Variants in GAS7 observed in about 807,000 individuals in gnomAD.
GAS7 encodes growth arrest-specific protein 7.
Under a neutral mutation model 71.1 loss-of-function variants are expected in GAS7, and 28 were observed. The observed-to-expected ratio is 0.39, with a 90% confidence interval of 0.29 to 0.54. The LOEUF (loss-of-function observed/expected upper bound fraction) is 0.54. Among genes scored for constraint, GAS7 ranks in the 20% least tolerant of loss-of-function variants. The pLI is 0.62. For synonymous variants in GAS7, 258 were observed against 245.8 expected (o/e 1.05, Z -0.46); for missense variants, 436 against 627.8 (o/e 0.69, Z 3.27).
In GAS7 at chr17:10,115,548, G is replaced by T. The variant is rs545545368; in HGVS notation, c.183+82660C>A. Among the ~76,000 whole-genome samples, 18 of 152,290 alleles carry T rather than the reference G, an allele frequency of 1.2e-4. No homozygotes were observed. In the South Asian group the frequency reaches 1.9e-3, roughly 16 times the overall value. Reference sequence around the variant, plus strand: ...GGAAGCACACCTCAGCACAGAGAAGGCCTCTCTCATCCCTCCTTGCCCCTT... The same window carrying T: ...GGAAGCACACCTCAGCACAGAGAAGTCCTCTCTCATCCCTCCTTGCCCCTT... On this transcript the variant is annotated intron_variant, in intron 1 of 13. Transcript: ENST00000432992.
chr17:10,153,283 C>G (rs2074181234), intron 1 of GAS7, among the ~76,000 whole-genome samples: 1 of 151,200 alleles, frequency 6.6e-6, no homozygotes, highest in South Asian at 2.1e-4. Context: ...AGGCAGATCA[C>G]GAGGTCAGGA....
chr17:9,975,242 C>A (rs749571797), intron 3 of GAS7, among the ~76,000 whole-genome samples: 6 of 152,212 alleles, frequency 3.9e-5, no homozygotes, highest in African/African-American at 1.2e-4. Context: ...GTAATCCCAG[C>A]TGCTTGGGAG....
At chr17:10,151,756 A>C (rs554226455) in intron 1 of GAS7, among the ~76,000 whole-genome samples, 1 of 152,196 alleles carries the variant, frequency 6.6e-6, no homozygotes, top group South Asian at 2.1e-4. Flanking sequence ...ATGTTGCCCA[A>C]GCTAGTCTTG....
At chr17:9,975,343 G>A (rs541919618) in intron 3 of GAS7, among the ~76,000 whole-genome samples, 17 of 114,712 alleles carry the variant, frequency 1.5e-4, no homozygotes, top group East Asian at 4.0e-4. Context: ...CAACAAGTGC[G>A]AAACTGTCTC....
intron 2 of GAS7, among the ~76,000 whole-genome samples, chr17:10,010,168 G>A (rs923061553): frequency 6.7e-6 from 1 of 149,370 alleles, no homozygotes; most frequent in South Asian, 2.1e-4. Context: ...TTTCTTTTTT[G>A]GGGGGGCGTC....
chr17:10,120,832 C>T (rs1467501000), intron 1 of GAS7, among the ~76,000 whole-genome samples: 5 of 152,208 alleles, frequency 3.3e-5, no homozygotes, highest in Non-Finnish European at 7.4e-5. Flanking sequence ...AAAGGGCAGG[C>T]TGCTAGGGGG....
At chr17:10,178,309 TGG>T (rs1407988669) in intron 1 of GAS7, among the ~76,000 whole-genome samples, 2 of 140,314 alleles carry the variant, frequency 1.4e-5, no homozygotes, top group Non-Finnish European at 3.1e-5. Context: ...GTGGAATGCT[TGG>T]CAATGCCTTG....
chr17:10,094,615 C>T (rs1288884969), intron 1 of GAS7, among the ~76,000 whole-genome samples: 1 of 152,028 alleles, frequency 6.6e-6, no homozygotes, highest in Admixed American at 6.5e-5. Context: ...ACCACAGACA[C>T]GCGCCACCAC....
At chr17:9,971,078 T>C (rs1271705195) in intron 3 of GAS7, among the ~76,000 whole-genome samples, 1 of 152,000 alleles carries the variant, frequency 6.6e-6, no homozygotes, top group Non-Finnish European at 1.5e-5. Flanking sequence ...TTATAAGTAG[T>C]CATAAAGCAC....
At chr17:10,022,419 G>C (rs568021457) in intron 1 of GAS7, among the ~76,000 whole-genome samples, 19 of 152,278 alleles carry the variant, frequency 1.2e-4, no homozygotes, top group African/African-American at 4.6e-4. Flanking sequence ...AAATAACTTG[G>C]GAGGAAATAG....
At chr17:10,035,114 TC>T (rs1179410488) in intron 1 of GAS7, among the ~76,000 whole-genome samples, 2 of 151,936 alleles carry the variant, frequency 1.3e-5, no homozygotes, top group African/African-American at 4.8e-5. Flanking sequence ...CTTCGGCTCT[TC>T]CCAGCTCCTT....
chr17:10,057,705 A>G (rs1259831846), intron 1 of GAS7, among the ~76,000 whole-genome samples: 2 of 149,192 alleles, frequency 1.3e-5, no homozygotes, highest in Non-Finnish European at 3.0e-5. Context: ...CCTTCTGGGA[A>G]GTGAGGAGCC....
chr17:9,928,985 T>C (rs561653182), intron 9 of GAS7, among the ~76,000 whole-genome samples: 3 of 152,332 alleles, frequency 2.0e-5, no homozygotes, highest in African/African-American at 4.8e-5. Flanking sequence ...GTTGTAAATA[T>C]GTCCTACTAT....
intron 1 of GAS7, among the ~76,000 whole-genome samples, chr17:10,133,671 C>T (rs2074016558): frequency 6.6e-6 from 1 of 152,094 alleles, no homozygotes; most frequent in South Asian, 2.1e-4. Context: ...TGTTCTTTGA[C>T]CAGCATATTC....
chr17:10,109,838 G>A (rs1236861859), intron 1 of GAS7, among the ~76,000 whole-genome samples: 1 of 152,064 alleles, frequency 6.6e-6, no homozygotes, highest in Admixed American at 6.5e-5. Context: ...GGTGGATCAT[G>A]AGGTCAGGAG....
chr17:9,983,483 C>G (rs1212122322), intron 2 of GAS7, among the ~76,000 whole-genome samples: 1 of 138,330 alleles, frequency 7.2e-6, no homozygotes, highest in Non-Finnish European at 1.6e-5. Context: ...AGAGCAAGAC[C>G]CTGTCTCAAA....
rs191861075 is a variant in GAS7, at chr17:10,002,406, C to T, written c.304+17371G>A. 9.6e-3 allele frequency among the ~76,000 whole-genome samples: 1,362 copies of T among 142,112 alleles called. 32 individuals carry two copies. Among genetic ancestry groups the T allele is most frequent in the East Asian group, 0.079 (406 of 5,116 alleles). 93.2% of individuals were successfully genotyped at this position (142,112 alleles called of 152,430 possible). ...GGTCCACTATACTCCAGGAAGACCACATCTTTTTATTTTTTTAATTATACT... is the reference window on the plus strand; with the variant it reads ...GGTCCACTATACTCCAGGAAGACCATATCTTTTTATTTTTTTAATTATACT... On this transcript the variant is annotated intron_variant, in intron 2 of 13. Coordinates refer to ENST00000432992, the MANE Select transcript of GAS7 (RefSeq NM_201433.2).
chr17:10,074,566 G>A (rs971189541), intron 1 of GAS7, among the ~76,000 whole-genome samples: 1 of 152,064 alleles, frequency 6.6e-6, no homozygotes, highest in Non-Finnish European at 1.5e-5. Flanking sequence ...CAATTTTCCA[G>A]GAAAATAAAA....
intron 1 of GAS7, chr17:10,114,696 CCACACA>C (rs60196807): frequency 0.39 from 57,954 of 147,132 alleles, 11,606 homozygotes; most frequent in African/African-American, 0.47. Flanking sequence ...AAGAGAAAAA[CCACACA>C]CACACACACA....
Sources: gnomAD v4.1 joint callset for allele counts (sites outside exome capture counted in the v4.1 genomes callset) on GRCh38, gnomAD v4.1.1 for gene constraint, MANE v1.5 for transcripts, NCBI Gene and HGNC (gene_info 2026-07-23, HGNC 2026-07-21) for gene names.